PSD3: variants seen among roughly 807,000 people sequenced by gnomAD.
The protein encoded by PSD3 is PH and SEC7 domain-containing protein 3.
A neutral mutation model predicts 105.5 loss-of-function variants in PSD3; 49 were observed. The observed-to-expected ratio is 0.46, with a 90% CI of 0.37 to 0.59. The LOEUF (loss-of-function observed/expected upper bound fraction) is 0.59, where lower values mean the gene tolerates loss of function less well. Among genes scored for constraint, PSD3 ranks in the 20% least tolerant of loss-of-function variants. The probability of loss-of-function intolerance (pLI) is 0.00; values close to 1 mark genes in which losing one functional copy is unlikely to be tolerated. For missense variants in PSD3, 1,561 were observed against 1,263.8 expected, an observed-to-expected ratio of 1.24 and a Z score of -3.57; for synonymous variants, 557 against 457.8, an observed-to-expected ratio of 1.22 and a Z score of -2.77.
At chr8:18,567,137 C>T (rs143204016) in intron 14 of PSD3, among the ~76,000 whole-genome samples, 111 of 152,200 alleles carry the variant, frequency 7.3e-4, no homozygotes, top group African/African-American at 2.6e-3. Context: ...TATTATCAGC[C>T]CTCTTTAGTT....
intron 9 of PSD3, among the ~76,000 whole-genome samples, chr8:18,710,414 A>C (rs769576137): frequency 2.0e-5 from 3 of 152,196 alleles, no homozygotes; most frequent in Non-Finnish European, 4.4e-5. Context: ...AGGTTGGAAA[A>C]CATACTCCAA....
At chr8:18,565,268 G>T (rs1801664418) in intron 14 of PSD3, among the ~76,000 whole-genome samples, 1 of 152,204 alleles carries the variant, frequency 6.6e-6, no homozygotes, top group Non-Finnish European at 1.5e-5. Context: ...TGAGCAGACT[G>T]TGAACAGGGC....
chr8:18,784,830 C>A (rs910701026), intron 8 of PSD3, among the ~76,000 whole-genome samples: 7 of 152,136 alleles, frequency 4.6e-5, no homozygotes, highest in Non-Finnish European at 1.0e-4. Flanking sequence ...GCTCTCCAAA[C>A]CCCATACTTT....
intron 3 of PSD3, among the ~76,000 whole-genome samples, chr8:18,868,975 TATTAAGCATCTC>T (rs778234934): frequency 3.9e-5 from 6 of 152,156 alleles, no homozygotes; most frequent in Non-Finnish European, 5.9e-5. Flanking sequence ...AGGAATTATC[TATTAAGCATCTC>T]ATAAGTCATC....
chr8:18,782,096 T>C (rs1383566460), intron 8 of PSD3, among the ~76,000 whole-genome samples: 3 of 152,168 alleles, frequency 2.0e-5, no homozygotes, highest in Non-Finnish European at 2.9e-5. Flanking sequence ...TTTCTTTGCA[T>C]TGTTCATCTG....
At chr8:18,897,424 A>G (rs1211527547) in intron 2 of PSD3, among the ~76,000 whole-genome samples, 1 of 152,074 alleles carries the variant, frequency 6.6e-6, no homozygotes, top group African/African-American at 2.4e-5. Flanking sequence ...GTTTTGCAGT[A>G]TATTTTGGAG....
At chr8:19,077,501 C>A (rs931472745) in intron 1 of PSD3, among the ~76,000 whole-genome samples, 3 of 152,146 alleles carry the variant, frequency 2.0e-5, no homozygotes, top group Non-Finnish European at 4.4e-5. Context: ...TGCAGCCCTG[C>A]CATTATCTGA....
chr8:18,765,418 A>G, intron 9 of PSD3, 31 bp downstream of exon 9: 4 of 1,529,792 alleles, frequency 2.6e-6, no homozygotes, highest in Non-Finnish European at 3.6e-6. Flanking sequence ...AAATACAAGC[A>G]TACACTAAAA....
intron 2 of PSD3, among the ~76,000 whole-genome samples, chr8:18,899,188 T>G (rs545704620): frequency 6.6e-6 from 1 of 152,266 alleles, no homozygotes; most frequent in Non-Finnish European, 1.5e-5. Context: ...CTCCAGCAAT[T>G]CATCTTCTGT....
chr8:19,004,776 G>A (rs1471053868), intron 1 of PSD3, among the ~76,000 whole-genome samples: 4 of 151,954 alleles, frequency 2.6e-5, no homozygotes, highest in East Asian at 1.9e-4. Context: ...AATTACCGGG[G>A]TGAGTCTTTC....
chr8:18,974,211 T>A (rs1248898530), intron 1 of PSD3, among the ~76,000 whole-genome samples: 2 of 152,198 alleles, frequency 1.3e-5, no homozygotes, highest in Admixed American at 1.3e-4. Context: ...ATTATGCCCA[T>A]GTTACAGATA....
intron 4 of PSD3, among the ~76,000 whole-genome samples, chr8:18,820,002 G>C (rs1285866428): frequency 6.6e-6 from 1 of 152,146 alleles, no homozygotes; most frequent in East Asian, 1.9e-4. Flanking sequence ...GATGTTTACA[G>C]TGTCTTCAAA....
At chr8:18,685,754 C>G (rs1034372947) in intron 9 of PSD3, among the ~76,000 whole-genome samples, 1 of 152,150 alleles carries the variant, frequency 6.6e-6, no homozygotes, top group African/African-American at 2.4e-5. Context: ...TTAGTTCTAA[C>G]TTAAGCAGAC....
chr8:18,937,642 C>T (rs981829132), intron 1 of PSD3, among the ~76,000 whole-genome samples: 6 of 152,096 alleles, frequency 3.9e-5, no homozygotes, highest in South Asian at 2.1e-4. Context: ...TCAAATGTAT[C>T]GGTCTGAAAA....
chr8:18,812,155 T>A (rs1054187544), intron 4 of PSD3, among the ~76,000 whole-genome samples: 15 of 152,138 alleles, frequency 9.9e-5, no homozygotes, highest in African/African-American at 3.1e-4. Flanking sequence ...AGCTATGACG[T>A]CAAAAGGAAT....
At chr8:18,568,337 C>G (rs1285455582) in intron 14 of PSD3, among the ~76,000 whole-genome samples, 2 of 152,088 alleles carry the variant, frequency 1.3e-5, no homozygotes, top group African/African-American at 4.8e-5. Context: ...ATCTAAGTAA[C>G]TTTTTGGAAA....
intron 11 of PSD3, among the ~76,000 whole-genome samples, chr8:18,605,433 C>G (rs1804749071): frequency 6.6e-6 from 1 of 152,036 alleles, no homozygotes; most frequent in African/African-American, 2.4e-5. Flanking sequence ...ATCCCTGTAT[C>G]CCCATTGTAT....
At chr8:18,777,177 G>A (rs1398180321) in intron 8 of PSD3, among the ~76,000 whole-genome samples, 2 of 151,890 alleles carry the variant, frequency 1.3e-5, no homozygotes, top group East Asian at 3.9e-4. Flanking sequence ...CGTGTAGCTG[G>A]GACTACAGGC....
intron 9 of PSD3, among the ~76,000 whole-genome samples, chr8:18,745,791 C>G (rs527764780): frequency 2.4e-4 from 37 of 152,300 alleles, no homozygotes; most frequent in African/African-American, 8.2e-4. Context: ...CTGCATCAAT[C>G]CATACATTAA....
Sources: gnomAD v4.1 joint callset for allele counts (sites outside exome capture counted in the v4.1 genomes callset) on GRCh38, gnomAD v4.1.1 for gene constraint, MANE v1.5 for transcripts, NCBI Gene and HGNC (gene_info 2026-07-23, HGNC 2026-07-21) for gene names.